TRHDE: variants seen among roughly 807,000 people sequenced by gnomAD.
TRHDE encodes thyrotropin-releasing hormone-degrading ectoenzyme.
TRHDE carries 72 observed loss-of-function variants against 125.7 expected under a neutral mutation model. The ratio of observed to expected loss-of-function variants is 0.57; its 90% CI spans 0.47 to 0.70. The LOEUF (loss-of-function observed/expected upper bound fraction) is 0.70, where lower values mean the gene tolerates loss of function less well. TRHDE is among the 30% of genes least tolerant of loss of function. The pLI is 0.00. For missense variants in TRHDE, 1,110 were observed against 1,327.1 expected (o/e 0.84, Z 2.54); for synonymous variants, 509 against 509.1 (o/e 1.00, Z 0.00).
chr12:72,590,836 AG>A (rs1305941207), intron 12 of TRHDE, among the ~76,000 whole-genome samples: 3 of 152,124 alleles, frequency 2.0e-5, no homozygotes, highest in African/African-American at 7.2e-5. Context: ...AGTTGGATTT[AG>A]GTCTGTCATT....
At chr12:72,446,150 C>CT (rs34777250) in intron 3 of TRHDE, among the ~76,000 whole-genome samples, 42,054 of 133,250 alleles carry the variant, frequency 0.32, 7,002 homozygotes, top group East Asian at 0.48. Flanking sequence ...TTGTGCATTT[C>CT]TTTTTTTTTT....
intron 12 of TRHDE, among the ~76,000 whole-genome samples, chr12:72,598,490 C>T (rs766719974): frequency 6.6e-6 from 1 of 152,144 alleles, no homozygotes; most frequent in Non-Finnish European, 1.5e-5. Context: ...CCAGTATCTT[C>T]AAGTGAGGCA....
chr12:72,366,945 A>G (rs1248931315), intron 2 of TRHDE, among the ~76,000 whole-genome samples: 3 of 152,090 alleles, frequency 2.0e-5, no homozygotes, highest in African/African-American at 7.2e-5. Flanking sequence ...TATTCATTAT[A>G]TGTATCTGTG....
chr12:72,425,140 T>C (rs1442633711), intron 3 of TRHDE, among the ~76,000 whole-genome samples: 1 of 152,150 alleles, frequency 6.6e-6, no homozygotes, highest in Non-Finnish European at 1.5e-5. Flanking sequence ...CATTTTGTTG[T>C]TGTTGTTAGT....
chr12:72,385,565 A>G (rs1872375087), intron 3 of TRHDE, among the ~76,000 whole-genome samples: 1 of 152,160 alleles, frequency 6.6e-6, no homozygotes, highest in Non-Finnish European at 1.5e-5. Flanking sequence ...ATATGTTTCT[A>G]ACCCCCCACT....
rs577243340 is a variant in TRHDE at position 72,411,998 on chromosome 12, A to G, written c.1315+33877A>G. ...GACCTTCATGCAGATTAAAGACTGA[A>G]ATGTCAAAGGTCAAATACAAAGGTC... On this transcript the variant is annotated intron_variant, in intron 3 of 18. Transcript: ENST00000261180. Among the ~76,000 whole-genome samples, 133 of 152,322 alleles carry G rather than the reference A, an allele frequency of 8.7e-4. 1 individual carries two copies. The highest frequency in any genetic ancestry group is 3.1e-3 in the African/African-American group (127 of 41,576).
intron 3 of TRHDE, among the ~76,000 whole-genome samples, chr12:72,421,332 A>G (rs924204393): frequency 2.0e-5 from 3 of 152,142 alleles, no homozygotes; most frequent in Admixed American, 1.3e-4. Flanking sequence ...GTTCTTACTC[A>G]TGTATCTGAT....
chr12:72,275,126 C>T (rs879397235), intron 1 of TRHDE, among the ~76,000 whole-genome samples: 5 of 152,142 alleles, frequency 3.3e-5, no homozygotes, highest in African/African-American at 4.8e-5. Context: ...AAGCCCAGGG[C>T]CCTGGAGGTG....
rs1235778248 is a variant in TRHDE, at chr12:72,635,042, G to T, written c.2675+13291G>T. ...AGTAATGGGATGGCTGGATCAAATG[G>T]TATTTCTAGTTCTAGATCCCTGAGG... On this transcript the variant is annotated intron_variant, in intron 15 of 18. Coordinates refer to ENST00000261180, the MANE Select transcript of TRHDE (RefSeq NM_013381.3). Among the ~76,000 whole-genome samples, 438 of 151,846 alleles carry T rather than the reference G, an allele frequency of 2.9e-3. 1 individual carries two copies. The highest frequency in any genetic ancestry group is 9.9e-3 in the African/African-American group (410 of 41,430).
intron 12 of TRHDE, among the ~76,000 whole-genome samples, chr12:72,614,862 G>A (rs1464921470): frequency 1.3e-5 from 2 of 152,052 alleles, no homozygotes; most frequent in Non-Finnish European, 2.9e-5. Flanking sequence ...GATCTTAGGT[G>A]GAAACAAAGC....
chr12:72,156,219 G>A (rs573326730), intron 2 of TRHDE, among the ~76,000 whole-genome samples: 1 of 152,238 alleles, frequency 6.6e-6, no homozygotes, highest in Non-Finnish European at 1.5e-5. Context: ...ATCTCCTGGT[G>A]TGCCGTTTGC....
At chr12:72,633,618 G>C (rs1281981011) in intron 15 of TRHDE, among the ~76,000 whole-genome samples, 1 of 152,052 alleles carries the variant, frequency 6.6e-6, no homozygotes, top group Admixed American at 6.6e-5. Flanking sequence ...GCTTCCTAGT[G>C]ATCTTTCCAC....
intron 2 of TRHDE, chr12:72,303,131 C>T (rs920944732): frequency 6.6e-6 from 1 of 152,104 alleles, no homozygotes; most frequent in Non-Finnish European, 1.5e-5. Context: ...TATCAAGACT[C>T]GTTTCTCTCA....
intron 6 of TRHDE, among the ~76,000 whole-genome samples, chr12:72,513,931 T>G (rs908285292): frequency 2.0e-5 from 3 of 152,052 alleles, no homozygotes; most frequent in Admixed American, 6.6e-5. Flanking sequence ...ACAAAGAAAT[T>G]ACCTGTTCCA....
At chr12:72,396,526 A>T (rs1255287510) in intron 3 of TRHDE, among the ~76,000 whole-genome samples, 1 of 152,030 alleles carries the variant, frequency 6.6e-6, no homozygotes, top group Non-Finnish European at 1.5e-5. Context: ...CGGGTGGATC[A>T]TGAGGTCAAG....
chr12:72,533,799 A>G (rs1868705682), intron 6 of TRHDE, among the ~76,000 whole-genome samples: 1 of 149,840 alleles, frequency 6.7e-6, no homozygotes, highest in Admixed American at 6.6e-5. Context: ...TTATGCTTCA[A>G]ATTTCTTGAG....
chr12:72,196,074 A>G (rs1014077242), intron 2 of TRHDE, among the ~76,000 whole-genome samples: 2 of 152,044 alleles, frequency 1.3e-5, no homozygotes, highest in African/African-American at 4.8e-5. Context: ...ATTCCATTTC[A>G]TTGGTCTATG....
At chr12:72,642,946 T>C (rs1874125346) in intron 15 of TRHDE, among the ~76,000 whole-genome samples, 3 of 152,222 alleles carry the variant, frequency 2.0e-5, no homozygotes, top group African/African-American at 7.2e-5. Context: ...ATCATTTTGC[T>C]GAAATGTTAT....
At chr12:72,130,683 T>A (rs1875840028) in intron 2 of TRHDE, among the ~76,000 whole-genome samples, 1 of 152,150 alleles carries the variant, frequency 6.6e-6, no homozygotes, top group African/African-American at 2.4e-5. Flanking sequence ...ATACTGGGGG[T>A]AATATTTGTA....
Sources: gnomAD v4.1 joint callset for allele counts (sites outside exome capture counted in the v4.1 genomes callset) on GRCh38, gnomAD v4.1.1 for gene constraint, MANE v1.5 for transcripts, NCBI Gene and HGNC (gene_info 2026-07-23, HGNC 2026-07-21) for gene names.